STXBP5L: variants seen among roughly 807,000 people sequenced by gnomAD.
STXBP5L encodes the protein syntaxin-binding protein 5-like.
In STXBP5L, 65 loss-of-function variants were observed where a neutral mutation model predicts 144.5. That is an observed-to-expected ratio of 0.45 (90% CI 0.37 to 0.55). The LOEUF (loss-of-function observed/expected upper bound fraction) is 0.55, where lower values mean the gene tolerates loss of function less well. Among genes scored for constraint, STXBP5L ranks in the 20% least tolerant of loss-of-function variants. STXBP5L has a pLI of 0.00. For synonymous variants in STXBP5L, 505 were observed against 469.6 expected (o/e 1.08, Z -0.97); for missense variants, 1,298 against 1,405.5 (o/e 0.92, Z 1.22).
intron 9 of STXBP5L, among the ~76,000 whole-genome samples, chr3:121,185,096 TG>T (rs1464635478): frequency 1.3e-5 from 2 of 152,174 alleles, no homozygotes; most frequent in African/African-American, 4.8e-5. Flanking sequence ...TCCTGGCCAC[TG>T]CAAAAACATA....
intron 17 of STXBP5L, among the ~76,000 whole-genome samples, chr3:121,258,607 G>C (rs1253846381): frequency 6.6e-6 from 1 of 152,092 alleles, no homozygotes; most frequent in East Asian, 1.9e-4. Context: ...ATGAGAGAAA[G>C]ATATTAGTCA....
At chr3:121,186,247 G>A (rs2047377067) in intron 9 of STXBP5L, among the ~76,000 whole-genome samples, 3 of 152,124 alleles carry the variant, frequency 2.0e-5, no homozygotes, top group South Asian at 4.1e-4. Flanking sequence ...CTGCAAACAG[G>A]GACAATTTGA....
At chr3:121,223,227 A>G in intron 11 of STXBP5L, 70 bp downstream of exon 11, 1 of 1,477,936 alleles carries the variant, frequency 6.8e-7, no homozygotes, top group Non-Finnish European at 9.1e-7. Flanking sequence ...AACAAAATTA[A>G]GGTTAAATAT....
intron 2 of STXBP5L, among the ~76,000 whole-genome samples, chr3:120,917,882 G>A (rs1709180247): frequency 6.6e-6 from 1 of 152,150 alleles, no homozygotes; most frequent in Admixed American, 6.5e-5. Context: ...TTGTATTGCT[G>A]CTTCAATTAC....
intron 6 of STXBP5L, 148 bp downstream of exon 6, chr3:121,115,207 A>C (rs1463064055): frequency 1.4e-6 from 1 of 721,566 alleles, no homozygotes; most frequent in Non-Finnish European, 2.1e-6. Flanking sequence ...TTAAAGCCAT[A>C]AAAGCTTTTA....
chr3:121,008,085 T>C (rs1944483137), intron 3 of STXBP5L, among the ~76,000 whole-genome samples: 1 of 152,060 alleles, frequency 6.6e-6, no homozygotes, highest in Admixed American at 6.6e-5. Flanking sequence ...TTTAGGTTTC[T>C]TTCCTACTGG....
intron 18 of STXBP5L, among the ~76,000 whole-genome samples, chr3:121,272,350 G>A (rs910030867): frequency 6.6e-6 from 1 of 152,086 alleles, no homozygotes; most frequent in African/African-American, 2.4e-5. Flanking sequence ...TCTTCTTGAT[G>A]GATTGACTTC....
chr3:121,311,973 T>A (rs143692054), intron 19 of STXBP5L, among the ~76,000 whole-genome samples: 4,743 of 152,258 alleles, frequency 0.031, 115 homozygotes, highest in Middle Eastern at 0.068. Flanking sequence ...CAAAACAGCA[T>A]GGTACTGGTA....
chr3:120,980,583 C>T (rs1041213413), intron 3 of STXBP5L, among the ~76,000 whole-genome samples: 10 of 151,500 alleles, frequency 6.6e-5, no homozygotes, highest in African/African-American at 2.4e-4. Context: ...GACTTTGAGT[C>T]TTTAAATATC....
chr3:121,373,914 C>G (rs2046106026), intron 20 of STXBP5L, among the ~76,000 whole-genome samples: 1 of 152,176 alleles, frequency 6.6e-6, no homozygotes, highest in African/African-American at 2.4e-5. Context: ...GCATCCTACC[C>G]AGGGACTCAA....
chr3:121,049,971 G>A (rs1947834851), intron 5 of STXBP5L, among the ~76,000 whole-genome samples: 1 of 152,126 alleles, frequency 6.6e-6, no homozygotes, highest in Non-Finnish European at 1.5e-5. Context: ...GTCCATGACA[G>A]AAGTGTGAAT....
chr3:121,342,817 G>A (rs1480173703), intron 20 of STXBP5L, among the ~76,000 whole-genome samples: 1 of 147,810 alleles, frequency 6.8e-6, no homozygotes, highest in Non-Finnish European at 1.5e-5. Flanking sequence ...ACATGTGCAT[G>A]TGTCTTTATA....
At chr3:120,982,248 G>T (rs190444292) in intron 3 of STXBP5L, among the ~76,000 whole-genome samples, 15 of 152,220 alleles carry the variant, frequency 9.9e-5, no homozygotes, top group African/African-American at 3.6e-4. Context: ...GTGATGGGCC[G>T]GTCTGTAGAA....
At chr3:120,997,123 GA>G (rs928540754) in intron 3 of STXBP5L, among the ~76,000 whole-genome samples, 1 of 148,010 alleles carries the variant, frequency 6.8e-6, no homozygotes, top group Non-Finnish European at 1.5e-5. Context: ...CAAAGGAAAT[GA>G]TTTTTTTTAT....
chr3:121,294,616 G>A (rs1408415515), intron 19 of STXBP5L, among the ~76,000 whole-genome samples: 12 of 151,966 alleles, frequency 7.9e-5, no homozygotes, highest in Middle Eastern at 3.4e-3. Flanking sequence ...AGCATAGAAG[G>A]AAGAAGACAA....
intron 19 of STXBP5L, among the ~76,000 whole-genome samples, chr3:121,308,796 A>G (rs2043426169): frequency 6.6e-6 from 1 of 152,116 alleles, no homozygotes; most frequent in Admixed American, 6.5e-5. Context: ...TATATAAAGT[A>G]GTAATTATAA....
At chr3:121,025,946 A>C (rs1338273463) in intron 3 of STXBP5L, among the ~76,000 whole-genome samples, 1 of 142,494 alleles carries the variant, frequency 7.0e-6, no homozygotes, top group Non-Finnish European at 1.5e-5. Flanking sequence ...AAATTATATC[A>C]ATATATCATA....
At chr3:121,384,508 AT>A (rs2046384098) in intron 22 of STXBP5L, among the ~76,000 whole-genome samples, 1 of 152,044 alleles carries the variant, frequency 6.6e-6, no homozygotes. Flanking sequence ...TAGAAAAAAA[AT>A]TTTTTTGAAA....
chr3:121,091,122 G>A (rs1265787069), intron 5 of STXBP5L, among the ~76,000 whole-genome samples: 1 of 148,966 alleles, frequency 6.7e-6, no homozygotes, highest in Non-Finnish European at 1.5e-5. Flanking sequence ...CATTTTTTAT[G>A]GCTGCATAGT....
Sources: gnomAD v4.1 joint callset for allele counts (sites outside exome capture counted in the v4.1 genomes callset) on GRCh38, gnomAD v4.1.1 for gene constraint, MANE v1.5 for transcripts, NCBI Gene and HGNC (gene_info 2026-07-23, HGNC 2026-07-21) for gene names.